The following DOCK9 variants were observed in gnomAD, a reference collection of about 807,000 sequenced individuals.
DOCK9 encodes dedicator of cytokinesis protein 9.
DOCK9 carries 89 observed loss-of-function variants against 263.3 expected under a neutral mutation model. The observed-to-expected ratio is 0.34, with a 90% confidence interval of 0.28 to 0.40. The LOEUF is 0.40. Among genes scored for constraint, DOCK9 ranks in the 10% least tolerant of loss-of-function variants. The probability of loss-of-function intolerance (pLI) is 1.00; values close to 1 mark genes in which losing one functional copy is unlikely to be tolerated. For synonymous variants in DOCK9, 976 were observed against 973.1 expected (o/e 1.00, Z -0.06); for missense variants, 2,140 against 2,603.4 (o/e 0.82, Z 3.87).
At chr13:98,899,579 G>C (rs1355080455) in intron 13 of DOCK9, among the ~76,000 whole-genome samples, 1 of 152,146 alleles carries the variant, frequency 6.6e-6, no homozygotes, top group South Asian at 2.1e-4. Flanking sequence ...CCCTGGGTGG[G>C]GCGACTTAGT....
chr13:98,846,853 C>T (rs555141575), intron 37 of DOCK9: 7 of 339,524 alleles, frequency 2.1e-5, no homozygotes, highest in South Asian at 1.4e-4. Context: ...ACAAGGTTCA[C>T]AGTCTAGTTC....
chr13:98,889,070 T>TAGTGCACTAC (rs1192896680), intron 15 of DOCK9, among the ~76,000 whole-genome samples: 2 of 152,238 alleles, frequency 1.3e-5, no homozygotes, highest in Non-Finnish European at 2.9e-5. Flanking sequence ...CACTACACAG[T>TAGTGCACTAC]ACAGGTCTAG....
chr13:98,970,309 TAGAA>T (rs2059611041), intron 1 of DOCK9, among the ~76,000 whole-genome samples: 1 of 152,174 alleles, frequency 6.6e-6, no homozygotes, highest in South Asian at 2.1e-4. Context: ...GTCTCTGTTT[TAGAA>T]AGAGTGGTCT....
chr13:98,945,481 CT>C (rs1413068898), intron 2 of DOCK9, among the ~76,000 whole-genome samples: 1 of 152,104 alleles, frequency 6.6e-6, no homozygotes, highest in Non-Finnish European at 1.5e-5. Context: ...CTCTTTCCTC[CT>C]CTGGGCCCTC....
chr13:98,794,603 C>T lies in DOCK9; in HGVS notation c.*23G>A. 1 of 1,563,778 alleles carries T rather than the reference C, an allele frequency of 6.4e-7. No homozygotes were observed. The highest frequency in any genetic ancestry group is 8.7e-7 in the Non-Finnish European group (1 of 1,153,752). On this transcript the variant is annotated 3_prime_UTR_variant, in exon 53 of 53. Transcript: ENST00000682017. Reference sequence around the variant, plus strand: ...GTTTGCAAATGACAAAGCAAGTCCCCACACACGGGCCATGAGATGTAATCA... The same window carrying T: ...GTTTGCAAATGACAAAGCAAGTCCCTACACACGGGCCATGAGATGTAATCA...
intron 27 of DOCK9, among the ~76,000 whole-genome samples, chr13:98,872,417 T>G (rs2094211994): frequency 6.6e-6 from 1 of 151,628 alleles, no homozygotes; most frequent in Non-Finnish European, 1.5e-5. Context: ...TGTTTTTTGT[T>G]TTTTTTTGAG....
At chr13:98,896,284 C>T (rs1249491339) in intron 15 of DOCK9, among the ~76,000 whole-genome samples, 1 of 152,112 alleles carries the variant, frequency 6.6e-6, no homozygotes, top group East Asian at 1.9e-4. Context: ...AGGCTGAAGC[C>T]GCCTGCTGAC....
Position 98,867,553 on chromosome 13 carries a change from G to A in DOCK9, c.3175-17C>T. 2.7e-6 allele frequency: 4 copies of A among 1,476,540 alleles called. No individual in the cohort carries two copies. Among genetic ancestry groups the A allele is most frequent in the Non-Finnish European group, 3.8e-6 (4 of 1,062,580 alleles). 91.5% of individuals were successfully genotyped at this position (1,476,540 alleles called of 1,614,324 possible). A position where few individuals can be genotyped will look rare whatever the true frequency, so the allele number is the denominator to read the frequency against. Reference sequence around the variant, plus strand: ...AAAGAGGGTCTGCAGGAAGAAGTGTGTAGTCATAAATACCTCACTGGATAT... The same window carrying A: ...AAAGAGGGTCTGCAGGAAGAAGTGTATAGTCATAAATACCTCACTGGATAT... On this transcript the variant is annotated splice_polypyrimidine_tract_variant and intron_variant, in intron 29 of 52. Coordinates refer to ENST00000682017, the MANE Select transcript of DOCK9 (RefSeq NM_001366683.2).
rs755243189 is a variant in DOCK9, at chr13:98,829,351, C to T, written c.4921G>A (p.Asp1641Asn). ...STPELRKTWL[D>N]SMARIHVKNG... The stretch of plus-strand genomic sequence containing the variant: ...TTGACATGGATCCTGGCCATGCTGT[C>T]GAGCCACGTCTTCCTGAGCTCGGGC... Residue 1641 changes from aspartate to asparagine, a missense_variant, in exon 43 of 53, where the codon GAC becomes AAC. Physicochemically the swap from Asp to Asn is conservative, Grantham distance 23 (BLOSUM62 1). Around this residue, in one of 2 missense-constraint regions of DOCK9, gnomAD observed 619 missense variants for 861.8 expected, o/e 0.72. Coordinates refer to ENST00000682017, the MANE Select transcript of DOCK9 (RefSeq NM_001366683.2). This position sits in a 1 kb window ranked among gnomAD's most constrained non-coding sequence, Gnocchi z 4.1. 1.9e-5 allele frequency: 31 copies of T among 1,613,132 alleles called. No individual in the cohort carries two copies. The highest frequency in any genetic ancestry group is 5.3e-5 in the African/African-American group (4 of 74,884).
intron 1 of DOCK9, among the ~76,000 whole-genome samples, chr13:99,077,059 G>A (rs2142428445): frequency 6.6e-6 from 1 of 152,190 alleles, no homozygotes; most frequent in South Asian, 2.1e-4. Flanking sequence ...TATGAGAGAG[G>A]CTGGCATACA....
intron 1 of DOCK9, among the ~76,000 whole-genome samples, chr13:98,987,215 A>C (rs1878679949): frequency 6.6e-6 from 1 of 152,248 alleles, no homozygotes; most frequent in South Asian, 2.1e-4. Context: ...GCTTGATATA[A>C]TCATTCCACA....
At chr13:99,027,171 C>G (rs1886839395) in intron 1 of DOCK9, among the ~76,000 whole-genome samples, 1 of 152,108 alleles carries the variant, frequency 6.6e-6, no homozygotes, top group Non-Finnish European at 1.5e-5. Context: ...AGGTGCCCGC[C>G]ACCATGCCCA....
intron 50 of DOCK9, among the ~76,000 whole-genome samples, chr13:98,799,975 C>T (rs1178650378): frequency 6.6e-6 from 1 of 152,198 alleles, no homozygotes; most frequent in Non-Finnish European, 1.5e-5. Flanking sequence ...GCTCTCCACA[C>T]TTCTTTGTAT....
At chr13:98,969,425 C>T (rs2059509919) in intron 1 of DOCK9, among the ~76,000 whole-genome samples, 1 of 150,682 alleles carries the variant, frequency 6.6e-6, no homozygotes, top group Admixed American at 6.6e-5. Flanking sequence ...ATACATTCCC[C>T]AAAGAGTCAC....
At chr13:98,839,065 A>C (rs921751180) in intron 38 of DOCK9, among the ~76,000 whole-genome samples, 33 of 152,240 alleles carry the variant, frequency 2.2e-4, no homozygotes, top group African/African-American at 7.5e-4. Context: ...TAAAAGCTAC[A>C]GAAGTGCTTT....
chr13:99,049,806 C>T (rs961271214), intron 1 of DOCK9, among the ~76,000 whole-genome samples: 2 of 152,202 alleles, frequency 1.3e-5, no homozygotes, highest in Non-Finnish European at 2.9e-5. Flanking sequence ...GAATGAGCAA[C>T]CACACCCAGC....
intron 1 of DOCK9, among the ~76,000 whole-genome samples, chr13:99,023,217 G>A (rs771713989): frequency 9.9e-5 from 15 of 152,142 alleles, no homozygotes; most frequent in Non-Finnish European, 1.8e-4. Flanking sequence ...ACAGCCAAGG[G>A]GCGAAAGCAA....
Position 99,059,880 on chromosome 13 carries a change from C to T in DOCK9, c.129+26343G>A, listed in dbSNP as rs567430939. ...TCTGTCTCTATGCTATTCTGGACAT[C>T]GCGTATAAATGGAATGCAACAATAT... On this transcript the variant is annotated intron_variant, in intron 1 of 32. Transcript: ENST00000427887. 2.0e-5 allele frequency among the ~76,000 whole-genome samples: 3 copies of T among 152,052 alleles called. No individual in the cohort carries two copies. The South Asian group carries it at 6.2e-4, about 32-fold the overall frequency.
At chr13:98,909,043 A>G (rs1246116368) in intron 9 of DOCK9, among the ~76,000 whole-genome samples, 6 of 152,208 alleles carry the variant, frequency 3.9e-5, no homozygotes, top group Non-Finnish European at 5.9e-5. Flanking sequence ...AGAAGAGCCA[A>G]CTGGCTTTTC....
Sources: allele counts gnomAD v4.1 joint callset (sites outside exome capture counted in the v4.1 genomes callset), GRCh38; gene constraint gnomAD v4.1.1; regional missense constraint gnomAD v4.1.1; non-coding constraint Gnocchi (gnomAD v3.1); transcripts MANE v1.5; gene names NCBI Gene and HGNC (gene_info 2026-07-23, HGNC 2026-07-21).